SPHKAP: variants seen among roughly 807,000 people sequenced by gnomAD.
SPHKAP encodes A-kinase anchor protein SPHKAP.
In SPHKAP, 67 loss-of-function variants were observed where a neutral mutation model predicts 137.5. That is an observed-to-expected ratio of 0.49 (90% CI 0.40 to 0.60). The LOEUF is 0.60. Ranked by LOEUF, SPHKAP falls within the 20% of genes least tolerant of loss-of-function variation. SPHKAP has a pLI of 0.00. For missense variants in SPHKAP, 2,097 were observed against 2,069.3 expected (o/e 1.01, Z -0.26); for synonymous variants, 813 against 785.3 (o/e 1.04, Z -0.59).
chr2:228,146,268 C>T (rs541899898), intron 1 of SPHKAP, among the ~76,000 whole-genome samples: 63 of 152,214 alleles, frequency 4.1e-4, no homozygotes, highest in South Asian at 1.0e-3. Context: ...CGTAATCACC[C>T]AACACCCACA....
rs11440513 is a variant in SPHKAP, at chr2:228,109,956, C to CAAAA, written c.139-1021_139-1018dup. Among the ~76,000 whole-genome samples, 481 of 56,018 alleles carry CAAAA rather than the reference C, an allele frequency of 8.6e-3. 24 individuals are homozygous for CAAAA. Among genetic ancestry groups the CAAAA allele is most frequent in the Non-Finnish European group, 0.01 (344 of 32,910 alleles). 36.7% of individuals were successfully genotyped at this position (56,018 alleles called of 152,430 possible). ...TTGGGCAACAAGAGTGAAAATGTCT[C>CAAAA]AAAAAAAAAAAAAAAAAAAAAAGCC... On this transcript the variant is annotated intron_variant, in intron 2 of 11. Transcript: ENST00000392056.
chr2:228,034,655 A>C (rs1213075908), intron 3 of SPHKAP, among the ~76,000 whole-genome samples: 1 of 152,238 alleles, frequency 6.6e-6, no homozygotes, highest in Non-Finnish European at 1.5e-5. Context: ...AACCGAATCC[A>C]GCAGCACATC....
At position 228,181,455 on chromosome 2, in the gene SPHKAP, G is replaced by C; in HGVS notation, c.32+112C>G. On this transcript the variant is annotated intron_variant, in intron 1 of 11. Transcript: ENST00000392056. This position sits in a 1 kb window ranked among gnomAD's most constrained non-coding sequence, Gnocchi z 4.3. ...CAAGTGCAGTGACCCCTGTCTCCTC[G>C]CTGGGAGCCCCGTGCAAACCGAAGC... The C allele has an allele frequency of 6.9e-7, 1 of 1,455,734 alleles. No homozygotes were observed. Among genetic ancestry groups the C allele is most frequent in the Non-Finnish European group, 9.6e-7 (1 of 1,036,602 alleles). The allele number at this position is 1,455,734 out of a possible 1,614,324, so 90.2% of individuals were successfully genotyped here.
chr2:228,168,403 T>C (rs1003924825), intron 1 of SPHKAP, among the ~76,000 whole-genome samples: 2 of 152,132 alleles, frequency 1.3e-5, no homozygotes, highest in Admixed American at 6.5e-5. Flanking sequence ...CCAAACAACA[T>C]GTGTTCCCTT....
intron 3 of SPHKAP, chr2:228,028,085 G>A (rs1377494205): frequency 2.0e-6 from 2 of 984,420 alleles, no homozygotes; most frequent in Non-Finnish European, 1.2e-6. Flanking sequence ...TCCTTTCATG[G>A]CCCAACATAC....
chr2:228,176,869 C>A (rs1700758035), intron 1 of SPHKAP, among the ~76,000 whole-genome samples: 2 of 152,148 alleles, frequency 1.3e-5, no homozygotes, highest in African/African-American at 4.8e-5. Context: ...GAGCGAAACT[C>A]CGTCTCAAAA....
chr2:228,116,412 A>C lies in SPHKAP; in HGVS notation c.139-7473T>G, dbSNP rs1458019134. Among the ~76,000 whole-genome samples the C allele has an allele frequency of 1.4e-4, 21 of 152,280 alleles. No individual in the cohort carries two copies. In the East Asian group the frequency reaches 2.1e-3, roughly 15 times the overall value. On this transcript the variant is annotated intron_variant, in intron 2 of 11. Transcript: ENST00000392056. ...TCTTTGAGACTCAGTTTTCCCGAAA[A>C]TGAGAGTGGTATTTCTACTCACAGT...
chr2:228,158,751 T>G (rs1031897623), intron 1 of SPHKAP, among the ~76,000 whole-genome samples: 1 of 152,214 alleles, frequency 6.6e-6, no homozygotes, highest in Non-Finnish European at 1.5e-5. Context: ...CATCTACATA[T>G]TTCACATCTA....
In SPHKAP at chr2:228,151,853, T is replaced by A. The variant is rs192087643; in HGVS notation, c.33-19768A>T. ...TTTAGTATTATATTTAGCCTTTTTTTAAAAAGTACACTTTTAAGACTATAT... is the reference window on the plus strand; with the variant it reads ...TTTAGTATTATATTTAGCCTTTTTTAAAAAAGTACACTTTTAAGACTATAT... On this transcript the variant is annotated intron_variant, in intron 1 of 11. Coordinates refer to ENST00000392056, the MANE Select transcript of SPHKAP (RefSeq NM_001142644.2). 8.7e-3 allele frequency among the ~76,000 whole-genome samples: 1,328 copies of A among 152,258 alleles called. 9 individuals are homozygous for A. Among genetic ancestry groups the A allele is most frequent in the African/African-American group, 0.03 (1,236 of 41,574 alleles).
intron 1 of SPHKAP, among the ~76,000 whole-genome samples, chr2:228,141,374 C>G (rs977084427): frequency 3.9e-5 from 6 of 152,276 alleles, no homozygotes; most frequent in African/African-American, 1.4e-4. Context: ...TAGCACCTAG[C>G]ACAGGTAATT....
At chr2:228,023,960 C>G (rs949606123) in intron 5 of SPHKAP, among the ~76,000 whole-genome samples, 1 of 152,194 alleles carries the variant, frequency 6.6e-6, no homozygotes, top group Non-Finnish European at 1.5e-5. Flanking sequence ...GTCCCATTCA[C>G]TCTTTCCCGA....
At chr2:228,006,159 C>G (rs1338039654) in intron 7 of SPHKAP, among the ~76,000 whole-genome samples, 1 of 152,190 alleles carries the variant, frequency 6.6e-6, no homozygotes, top group Non-Finnish European at 1.5e-5. Flanking sequence ...CCATTCTCCC[C>G]ATCACTTTCA....
chr2:228,064,107 A>C (rs1401526846), intron 3 of SPHKAP, among the ~76,000 whole-genome samples: 1 of 152,154 alleles, frequency 6.6e-6, no homozygotes, highest in Non-Finnish European at 1.5e-5. Context: ...ACTTAAAGTC[A>C]GAATCATAAG....
At position 228,055,584 on chromosome 2, in the gene SPHKAP, T is replaced by C. The variant is rs546386808; in HGVS notation, c.247-28041A>G. On this transcript the variant is annotated intron_variant, in intron 3 of 11. Coordinates refer to ENST00000392056, the MANE Select transcript of SPHKAP (RefSeq NM_001142644.2). ...CTCCTCCCTGCATTCACCATGACTA[T>C]AGAAAGTATTAACAGTGATGACAAC... 2.6e-5 allele frequency among the ~76,000 whole-genome samples: 4 copies of C among 152,262 alleles called. No homozygotes were observed. The South Asian group carries it at 8.3e-4, about 32-fold the overall frequency.
At chr2:228,106,070 G>A (rs892913666) in intron 3 of SPHKAP, among the ~76,000 whole-genome samples, 5 of 152,156 alleles carry the variant, frequency 3.3e-5, no homozygotes, top group Non-Finnish European at 7.3e-5. Flanking sequence ...ACCGTGAAAT[G>A]AGTGCGGTTT....
At chr2:227,989,248 T>G (rs1693324417) in intron 11 of SPHKAP, among the ~76,000 whole-genome samples, 1 of 152,144 alleles carries the variant, frequency 6.6e-6, no homozygotes, top group South Asian at 2.1e-4. Flanking sequence ...AAAGAACTAC[T>G]GGGAAGTATT....
Position 228,025,675 on chromosome 2 carries a change from A to G in SPHKAP, c.307-147T>C, listed in dbSNP as rs1459761530. The G allele has an allele frequency of 2.7e-6, 3 of 1,114,200 alleles. No homozygotes were observed. The African/African-American group carries it at 4.8e-5, about 18-fold the overall frequency. The allele number at this position is 1,114,200 out of a possible 1,614,324, so 69.0% of individuals were successfully genotyped here. A position where few individuals can be genotyped will look rare whatever the true frequency, so the allele number is the denominator to read the frequency against. On this transcript the variant is annotated intron_variant, in intron 4 of 11. Transcript: ENST00000392056. Reference sequence around the variant, plus strand: ...CAAGATTCTTACTAGAAGAAATTTTATAAAATGGAAGCATGCAAGTTTAGA... The same window carrying G: ...CAAGATTCTTACTAGAAGAAATTTTGTAAAATGGAAGCATGCAAGTTTAGA...
chr2:228,173,567 T>G (rs184481039), intron 1 of SPHKAP, among the ~76,000 whole-genome samples: 102 of 152,214 alleles, frequency 6.7e-4, no homozygotes, highest in Non-Finnish European at 1.1e-3. Flanking sequence ...CATTGCTAGC[T>G]TTGTAGATGG....
chr2:228,021,323 C>G (rs969082376), intron 6 of SPHKAP, among the ~76,000 whole-genome samples: 4 of 152,166 alleles, frequency 2.6e-5, no homozygotes, highest in African/African-American at 9.7e-5. Flanking sequence ...TGTGGCAGTG[C>G]TGGGATTCAA....
Sources: allele counts gnomAD v4.1 joint callset (sites outside exome capture counted in the v4.1 genomes callset), GRCh38; gene constraint gnomAD v4.1.1; non-coding constraint Gnocchi (gnomAD v3.1); transcripts MANE v1.5; gene names NCBI Gene and HGNC (gene_info 2026-07-23, HGNC 2026-07-21).